CEP63: variants seen among roughly 807,000 people sequenced by gnomAD.
CEP63 encodes the protein centrosomal protein 63, also known as centrosomal protein of 63 kDa.
Under a neutral mutation model 89.1 loss-of-function variants are expected in CEP63, and 84 were observed. The ratio of observed to expected loss-of-function variants is 0.94; its 90% CI spans 0.79 to 1.13. CEP63 has a LOEUF of 1.13. Among genes scored for constraint, CEP63 ranks in the 50% most tolerant of loss-of-function variants. CEP63 has a pLI of 0.00. For missense variants in CEP63, 838 were observed against 813.3 expected, an observed-to-expected ratio of 1.03 and a Z score of -0.37; for synonymous variants, 267 against 272.5, an observed-to-expected ratio of 0.98 and a Z score of 0.20.
the CEP63 span, among the ~76,000 whole-genome samples, chr3:134,731,791 G>A: frequency 1.3e-5 from 2 of 152,130 alleles, no homozygotes; most frequent in Non-Finnish European, 2.9e-5. Context: ...GTGTAAAGAA[G>A]AGAAGACAAG....
At chr3:134,746,092 C>T in the CEP63 span, among the ~76,000 whole-genome samples, 2 of 151,846 alleles carry the variant, frequency 1.3e-5, no homozygotes, top group Non-Finnish European at 2.9e-5. Flanking sequence ...ATGACAGGCC[C>T]TGGTGTGTGA....
At chr3:134,676,221 C>T in the CEP63 span, among the ~76,000 whole-genome samples, 1 of 152,096 alleles carries the variant, frequency 6.6e-6, no homozygotes, top group African/African-American at 2.4e-5. Context: ...CTATGGTATA[C>T]CCATACAATG....
chr3:134,504,651 C>A (rs1167769549), intron 2 of CEP63, among the ~76,000 whole-genome samples: 1 of 152,078 alleles, frequency 6.6e-6, no homozygotes, highest in African/African-American at 2.4e-5. Flanking sequence ...ATATCTTTTG[C>A]AAGAATTGGG....
the CEP63 span, among the ~76,000 whole-genome samples, chr3:134,626,237 G>T: frequency 6.6e-6 from 1 of 152,244 alleles, no homozygotes; most frequent in Admixed American, 6.5e-5. Flanking sequence ...GGAGCCTCTG[G>T]GTGCTGGGCA....
rs1426525218 is a variant in CEP63 at position 134,547,335 on chromosome 3, G to A, written c.930G>A (p.Arg310=). The change falls in exon 9 of 15, where the codon AGG becomes AGA. Residue 310 remains arginine (R), a splice_region_variant and synonymous_variant. Coordinates refer to ENST00000675561, the MANE Select transcript of CEP63 (RefSeq NM_001353108.3). Reference sequence around the variant, plus strand: ...ACAATCATCCTATGTCTTTCCATAGGCCACGGGAAGAATCTCTGGCAGAAA... The same window carrying A: ...ACAATCATCCTATGTCTTTCCATAGACCACGGGAAGAATCTCTGGCAGAAA... ...TNTQHAVEAI[R]PREESLAEKK... The A allele has an allele frequency of 6.2e-7, 1 of 1,613,212 alleles. No homozygotes were observed. The highest frequency in any genetic ancestry group is 8.5e-7 in the Non-Finnish European group (1 of 1,179,364).
chr3:134,758,957 T>C, the CEP63 span, among the ~76,000 whole-genome samples: 3 of 152,188 alleles, frequency 2.0e-5, no homozygotes, highest in Non-Finnish European at 4.4e-5. Context: ...TGGTCTGATG[T>C]AATCACGAGG....
intron 3 of CEP63, among the ~76,000 whole-genome samples, chr3:134,531,241 T>G (rs1432847145): frequency 1.3e-5 from 2 of 152,216 alleles, no homozygotes; most frequent in Non-Finnish European, 2.9e-5. Flanking sequence ...TATTTCTTAT[T>G]TTCATGAGTT....
the CEP63 span, chr3:134,651,267 C>T: frequency 3.3e-6 from 4 of 1,202,528 alleles, no homozygotes; most frequent in Non-Finnish European, 4.2e-6. Flanking sequence ...CAGAGCCTCC[C>T]TCCCTGCGCC....
At chr3:134,623,230 G>A in the CEP63 span, among the ~76,000 whole-genome samples, 8 of 152,136 alleles carry the variant, frequency 5.3e-5, no homozygotes, top group African/African-American at 1.9e-4. Context: ...TCTGGCCTCC[G>A]CTGGCTTCCT....
At position 134,585,045 on chromosome 3, in the gene CEP63, T is replaced by C. The variant is rs1022526817; in HGVS notation, c.1207-2413T>C. Among the ~76,000 whole-genome samples, 10 of 151,094 alleles carry C rather than the reference T, an allele frequency of 6.6e-5. 1 individual carries two copies. Among genetic ancestry groups the C allele is most frequent in the African/African-American group, 2.4e-4 (10 of 40,876 alleles). ...GTGGGATTGGTGGTGATATCCCCTT[T>C]ATCATTTTTAATTGCGTCTATTTGA... is the stretch of plus-strand genomic sequence containing the variant. On this transcript the variant is annotated intron_variant, in intron 10 of 10. Coordinates refer to the CEP63 transcript ENST00000683931.
At chr3:134,603,975 T>G in the CEP63 span, 1 of 1,613,946 alleles carries the variant, frequency 6.2e-7, no homozygotes, top group Non-Finnish European at 8.5e-7. Context: ...CAAACTTGCC[T>G]GCATGGGGCA....
the CEP63 span, among the ~76,000 whole-genome samples, chr3:134,611,586 C>T: frequency 6.6e-6 from 1 of 152,252 alleles, no homozygotes; most frequent in Non-Finnish European, 1.5e-5. Context: ...GTAATAGATA[C>T]ACAACCTGTG....
At chr3:134,695,618 T>A in the CEP63 span, among the ~76,000 whole-genome samples, 1 of 152,176 alleles carries the variant, frequency 6.6e-6, no homozygotes, top group African/African-American at 2.4e-5. Flanking sequence ...TAAGGTCTTA[T>A]AGACTCCCGG....
At chr3:134,730,203 A>G in the CEP63 span, among the ~76,000 whole-genome samples, 2 of 152,242 alleles carry the variant, frequency 1.3e-5, no homozygotes, top group Non-Finnish European at 2.9e-5. Context: ...AGTATATCCC[A>G]TATGATAATT....
chr3:134,656,148 A>G, the CEP63 span, among the ~76,000 whole-genome samples: 3 of 152,308 alleles, frequency 2.0e-5, no homozygotes, highest in South Asian at 6.2e-4. Context: ...TGAAAGAGTA[A>G]GGACAGGGGA....
chr3:134,594,752 T>G, the CEP63 span, among the ~76,000 whole-genome samples: 1 of 152,254 alleles, frequency 6.6e-6, no homozygotes, highest in Non-Finnish European at 1.5e-5. Flanking sequence ...TATCATTTTG[T>G]TTTTGAAATG....
chr3:134,640,272 T>A, the CEP63 span, among the ~76,000 whole-genome samples: 1 of 152,202 alleles, frequency 6.6e-6, no homozygotes, highest in African/African-American at 2.4e-5. Context: ...GTCCCTGTCC[T>A]GTATGGAAGA....
chr3:134,510,835 C>T (rs2108510223), intron 3 of CEP63: 2 of 309,594 alleles, frequency 6.5e-6, no homozygotes, highest in Non-Finnish European at 1.3e-5. Context: ...TAGAAGTTTT[C>T]TTACAGCTGT....
the CEP63 span, among the ~76,000 whole-genome samples, chr3:134,765,190 T>C: frequency 6.6e-6 from 1 of 152,244 alleles, no homozygotes; most frequent in Admixed American, 6.5e-5. Context: ...AGTGTATGTA[T>C]AAGGTATTCA....
Sources: allele counts gnomAD v4.1 joint callset (sites outside exome capture counted in the v4.1 genomes callset), GRCh38; gene constraint gnomAD v4.1.1; transcripts MANE v1.5; gene names NCBI Gene and HGNC (gene_info 2026-07-23, HGNC 2026-07-21).